The following UNC5D variants were observed in gnomAD, a reference collection of about 807,000 sequenced individuals.
The protein encoded by UNC5D is netrin receptor UNC5D.
A neutral mutation model predicts 105.4 loss-of-function variants in UNC5D; 39 were observed. The observed-to-expected ratio is 0.37, with a 90% confidence interval of 0.29 to 0.48. The LOEUF (loss-of-function observed/expected upper bound fraction) is 0.48, where lower values mean the gene tolerates loss of function less well. Ranked by LOEUF, UNC5D falls within the 20% of genes least tolerant of loss-of-function variation. The pLI, the probability that UNC5D is intolerant of heterozygous loss-of-function variation, is 0.98. For synonymous variants in UNC5D, 452 were observed against 450.4 expected, an observed-to-expected ratio of 1.00 and a Z score of -0.04; for missense variants, 991 against 1,202.4, an observed-to-expected ratio of 0.82 and a Z score of 2.60.
At position 35,414,616 on chromosome 8, in the gene UNC5D, G is replaced by A. The variant is rs374105864; in HGVS notation, c.104-134676G>A. 3.2e-4 allele frequency among the ~76,000 whole-genome samples: 49 copies of A among 152,120 alleles called. 1 individual carries two copies. The highest frequency in any genetic ancestry group is 1.1e-3 in the African/African-American group (44 of 41,522). ...AAAAATTACACAGGCCATAAGTTTA[G>A]AGGAATTTGAGGAAAATTTCTGAGG... On this transcript the variant is annotated intron_variant, in intron 1 of 16. Transcript: ENST00000404895.
At chr8:35,682,209 C>A (rs903437200) in intron 4 of UNC5D, among the ~76,000 whole-genome samples, 2 of 152,152 alleles carry the variant, frequency 1.3e-5, no homozygotes, top group Admixed American at 6.5e-5. Flanking sequence ...GTGATCTGCC[C>A]GCCTCGGCCT....
chr8:35,373,213 T>C (rs78381268), intron 1 of UNC5D, among the ~76,000 whole-genome samples: 2,018 of 152,308 alleles, frequency 0.013, 23 homozygotes, highest in Middle Eastern at 0.024. Flanking sequence ...AAGGGCAGTG[T>C]TGCATTTCAG....
rs555256041 is a variant in UNC5D, at chr8:35,282,261, C to A, written c.103+46374C>A. 5.3e-5 allele frequency among the ~76,000 whole-genome samples: 8 copies of A among 152,310 alleles called. No individual in the cohort carries two copies. In the East Asian group the frequency reaches 1.4e-3, roughly 26 times the overall value. Reference sequence around the variant, plus strand: ...GCTGTCAGCTTGATGGCTGCCAGTCCTTTTGAACAATTTCTTGTCCTCATT... The same window carrying A: ...GCTGTCAGCTTGATGGCTGCCAGTCATTTTGAACAATTTCTTGTCCTCATT... On this transcript the variant is annotated intron_variant, in intron 1 of 16. Coordinates refer to ENST00000404895, the MANE Select transcript of UNC5D (RefSeq NM_080872.4).
At chr8:35,267,501 C>T (rs984887366) in intron 1 of UNC5D, among the ~76,000 whole-genome samples, 8 of 152,040 alleles carry the variant, frequency 5.3e-5, no homozygotes, top group South Asian at 2.1e-4. Context: ...TGCAATGGTG[C>T]GATCTCGGCT....
chr8:35,623,622 C>T (rs1013409034), intron 4 of UNC5D, among the ~76,000 whole-genome samples: 1 of 152,144 alleles, frequency 6.6e-6, no homozygotes, highest in Non-Finnish European at 1.5e-5. Flanking sequence ...TTCCCCTTCC[C>T]TAAGAAAAGG....
intron 1 of UNC5D, among the ~76,000 whole-genome samples, chr8:35,267,167 A>T (rs966424579): frequency 2.6e-5 from 4 of 151,354 alleles, no homozygotes; most frequent in Non-Finnish European, 5.9e-5. Context: ...TAAATTTTGC[A>T]AGTGTAATCA....
intron 2 of UNC5D, among the ~76,000 whole-genome samples, chr8:35,556,310 C>T (rs1816547513): frequency 6.6e-6 from 1 of 152,088 alleles, no homozygotes; most frequent in African/African-American, 2.4e-5. Flanking sequence ...CTAATATTGG[C>T]AGGTAAATAT....
intron 1 of UNC5D, chr8:35,254,196 A>C (rs1461282447): frequency 6.6e-6 from 1 of 152,210 alleles, no homozygotes; most frequent in Non-Finnish European, 1.5e-5. Flanking sequence ...AGCATTAAAC[A>C]ATGAATACAG....
chr8:35,639,218 G>C (rs367833070), intron 4 of UNC5D, among the ~76,000 whole-genome samples: 10 of 152,332 alleles, frequency 6.6e-5, no homozygotes, highest in African/African-American at 2.2e-4. Flanking sequence ...AAGAGGGTGG[G>C]TAGCCCTATG....
At position 35,560,976 on chromosome 8, in the gene UNC5D, G is replaced by C. The variant is rs187497939; in HGVS notation, c.323-7122G>C. On this transcript the variant is annotated intron_variant, in intron 2 of 16. Transcript: ENST00000404895. ...AAGACAAGATATAATCTTCATAGTA[G>C]GGTGCCCTGGTCCCTTGTTTATGCT... Among the ~76,000 whole-genome samples the C allele has an allele frequency of 1.5e-4, 23 of 152,224 alleles. No individual in the cohort carries two copies. The East Asian group carries it at 4.1e-3, about 27-fold the overall frequency.
chr8:35,464,143 A>G (rs1809121501), intron 1 of UNC5D, among the ~76,000 whole-genome samples: 1 of 152,138 alleles, frequency 6.6e-6, no homozygotes, highest in Admixed American at 6.5e-5. Flanking sequence ...CCTGGCCAAC[A>G]TGGCGAAACC....
intron 4 of UNC5D, among the ~76,000 whole-genome samples, chr8:35,681,081 T>C (rs1825629330): frequency 6.6e-6 from 1 of 152,148 alleles, no homozygotes; most frequent in Admixed American, 6.6e-5. Flanking sequence ...TTCTATTGAC[T>C]TTACAGTAAG....
chr8:35,359,515 T>A (rs945138167), intron 1 of UNC5D, among the ~76,000 whole-genome samples: 7 of 152,230 alleles, frequency 4.6e-5, no homozygotes, highest in African/African-American at 1.7e-4. Flanking sequence ...AACACCAATG[T>A]TCTTTGACAT....
At chr8:35,528,250 T>C (rs1814045473) in intron 1 of UNC5D, among the ~76,000 whole-genome samples, 2 of 148,666 alleles carry the variant, frequency 1.3e-5, no homozygotes, top group African/African-American at 4.9e-5. Flanking sequence ...CCTGTGTCCA[T>C]GTGATCTCAT....
At chr8:35,496,963 A>C (rs1317337817) in intron 1 of UNC5D, among the ~76,000 whole-genome samples, 2 of 152,114 alleles carry the variant, frequency 1.3e-5, no homozygotes, top group African/African-American at 4.8e-5. Context: ...CCCATCCTAC[A>C]TTCATGACTG....
intron 16 of UNC5D, among the ~76,000 whole-genome samples, chr8:35,782,885 G>T (rs1802567563): frequency 6.6e-6 from 1 of 152,048 alleles, no homozygotes; most frequent in Non-Finnish European, 1.5e-5. Flanking sequence ...TATAGTCCTG[G>T]CACTTTAAGA....
At chr8:35,532,273 C>G (rs1814446656) in intron 1 of UNC5D, among the ~76,000 whole-genome samples, 2 of 151,560 alleles carry the variant, frequency 1.3e-5, no homozygotes, top group African/African-American at 2.4e-5. Flanking sequence ...ATTTGCTTGT[C>G]TGTGAAGTAT....
At chr8:35,540,977 A>G (rs779322598) in intron 1 of UNC5D, among the ~76,000 whole-genome samples, 9 of 152,186 alleles carry the variant, frequency 5.9e-5, no homozygotes, top group Non-Finnish European at 1.2e-4. Flanking sequence ...CTTTCTTTCT[A>G]TAATCTAGTG....
chr8:35,275,643 G>C (rs1025554611), intron 1 of UNC5D, among the ~76,000 whole-genome samples: 9 of 152,154 alleles, frequency 5.9e-5, no homozygotes, highest in Non-Finnish European at 8.8e-5. Flanking sequence ...TCTGGCATAC[G>C]TAGAATCTAA....
Sources: allele counts gnomAD v4.1 joint callset (sites outside exome capture counted in the v4.1 genomes callset), GRCh38; gene constraint gnomAD v4.1.1; transcripts MANE v1.5; gene names NCBI Gene and HGNC (gene_info 2026-07-23, HGNC 2026-07-21).